CSMD1: variants seen among roughly 807,000 people sequenced by gnomAD.
CSMD1 encodes CUB and Sushi multiple domains 1.
Under a neutral mutation model 417.5 loss-of-function variants are expected in CSMD1, and 213 were observed. The observed-to-expected ratio is 0.51, with a 90% CI of 0.46 to 0.57. CSMD1 has a LOEUF of 0.57. CSMD1 is among the 20% of genes least tolerant of loss of function. The probability of loss-of-function intolerance (pLI) is 0.00; values close to 1 mark genes in which losing one functional copy is unlikely to be tolerated. For synonymous variants in CSMD1, 2,862 were observed against 1,736.8 expected (o/e 1.65, Z -16.11); for missense variants, 6,923 against 4,529.7 (o/e 1.53, Z -15.17).
At position 4,953,653 on chromosome 8, in the gene CSMD1, A is replaced by G. The variant is rs151310063; in HGVS notation, c.85+40679T>C. Among the ~76,000 whole-genome samples the G allele has an allele frequency of 2.2e-3, 330 of 152,332 alleles. 2 individuals carry two copies. The highest frequency in any genetic ancestry group is 7.3e-3 in the African/African-American group (304 of 41,584). On this transcript the variant is annotated intron_variant, in intron 1 of 69. Transcript: ENST00000635120. ...ATAGAAATACACAGAAGCAGTCAGA[A>G]TTAAATGTTATTCACATTAAGAAAA...
At position 3,526,216 on chromosome 8, in the gene CSMD1, G is replaced by A. The variant is rs540891171; in HGVS notation, c.1345-32490C>T. ...TTCTCATCAATCATAAGACTACATC[G>A]TTTTTCCTTCCTGAACCTTCTATAG... is the stretch of plus-strand genomic sequence containing the variant. On this transcript the variant is annotated intron_variant, in intron 10 of 69. Transcript: ENST00000635120. 6.4e-4 allele frequency among the ~76,000 whole-genome samples: 98 copies of A among 151,988 alleles called. 1 individual carries two copies. The highest frequency in any genetic ancestry group is 1.2e-3 in the Non-Finnish European group (83 of 67,986).
At chr8:3,606,561 T>C (rs986048585) in intron 8 of CSMD1, among the ~76,000 whole-genome samples, 9 of 152,182 alleles carry the variant, frequency 5.9e-5, no homozygotes, top group African/African-American at 2.2e-4. Context: ...AGTCAGTAAG[T>C]GGTGAGTGAA....
intron 1 of CSMD1, among the ~76,000 whole-genome samples, chr8:4,841,463 A>G (rs1800830789): frequency 6.6e-6 from 1 of 152,210 alleles, no homozygotes; most frequent in Non-Finnish European, 1.5e-5. Context: ...TGTTAAACGA[A>G]TAAACTAGCA....
At chr8:3,818,159 G>T (rs1801503310) in intron 5 of CSMD1, among the ~76,000 whole-genome samples, 1 of 151,916 alleles carries the variant, frequency 6.6e-6, no homozygotes, top group Non-Finnish European at 1.5e-5. Flanking sequence ...TGCCTCCTCT[G>T]ACACTCATAG....
At chr8:4,302,444 A>T (rs999507554) in intron 3 of CSMD1, among the ~76,000 whole-genome samples, 1 of 152,218 alleles carries the variant, frequency 6.6e-6, no homozygotes, top group Non-Finnish European at 1.5e-5. Flanking sequence ...AGGTGGTTTT[A>T]TCACACATAT....
At chr8:3,849,289 A>C (rs1425119276) in intron 5 of CSMD1, among the ~76,000 whole-genome samples, 1 of 152,120 alleles carries the variant, frequency 6.6e-6, no homozygotes, top group African/African-American at 2.4e-5. Context: ...GCACAGACAA[A>C]GATACAGGGC....
intron 49 of CSMD1, among the ~76,000 whole-genome samples, chr8:3,057,437 T>C (rs1453539225): frequency 6.6e-6 from 1 of 152,138 alleles, no homozygotes; most frequent in East Asian, 1.9e-4. Flanking sequence ...CAACTATATG[T>C]GTATTTGCAG....
At chr8:3,184,842 AC>A (rs1473252128) in intron 36 of CSMD1, among the ~76,000 whole-genome samples, 4 of 152,022 alleles carry the variant, frequency 2.6e-5, no homozygotes, top group African/African-American at 7.2e-5. Context: ...CCTTATCCGG[AC>A]CCTTAAATTT....
chr8:4,710,122 G>T (rs551500364), intron 1 of CSMD1, among the ~76,000 whole-genome samples: 1 of 151,916 alleles, frequency 6.6e-6, no homozygotes, highest in Non-Finnish European at 1.5e-5. Context: ...GATAACCTTC[G>T]CCTGGAGGTT....
intron 8 of CSMD1, among the ~76,000 whole-genome samples, chr8:3,605,300 C>G (rs1234108534): frequency 6.6e-6 from 1 of 152,186 alleles, no homozygotes; most frequent in Non-Finnish European, 1.5e-5. Context: ...GAAAGCAATT[C>G]TTACTGAAAA....
At chr8:3,181,332 G>A (rs1228689475) in intron 36 of CSMD1, 118 bp from the exon 37 acceptor site, 3 of 690,310 alleles carry the variant, frequency 4.3e-6, no homozygotes, top group East Asian at 5.6e-5. Context: ...CTGATTACCA[G>A]ATATTTAATC....
chr8:4,709,702 G>A (rs558376221), intron 1 of CSMD1, among the ~76,000 whole-genome samples: 1 of 152,248 alleles, frequency 6.6e-6, no homozygotes, highest in Non-Finnish European at 1.5e-5. Context: ...CCACAGCCTG[G>A]GGCACCTGTG....
At chr8:4,936,563 G>T (rs575933034) in intron 1 of CSMD1, among the ~76,000 whole-genome samples, 1 of 152,154 alleles carries the variant, frequency 6.6e-6, no homozygotes, top group Non-Finnish European at 1.5e-5. Flanking sequence ...AAATTCATAA[G>T]CATTTTAAGT....
At chr8:4,442,814 A>G (rs1281153434) in intron 2 of CSMD1, among the ~76,000 whole-genome samples, 2 of 152,188 alleles carry the variant, frequency 1.3e-5, no homozygotes, top group East Asian at 3.8e-4. Context: ...TGATTTCTAA[A>G]ACTGAAATAT....
intron 3 of CSMD1, among the ~76,000 whole-genome samples, chr8:4,106,956 G>T (rs758417912): frequency 2.0e-5 from 3 of 152,176 alleles, no homozygotes; most frequent in African/African-American, 4.8e-5. Flanking sequence ...GTTTCACAGG[G>T]AGAAGCTCTA....
intron 4 of CSMD1, among the ~76,000 whole-genome samples, chr8:4,013,132 C>G (rs1304713055): frequency 2.6e-5 from 4 of 152,258 alleles, no homozygotes; most frequent in Non-Finnish European, 4.4e-5. Context: ...TCGTATCCCC[C>G]CATTGTGCTC....
chr8:3,096,813 C>T (rs368434668), intron 47 of CSMD1, 36 bp downstream of exon 47: 173 of 1,304,834 alleles, frequency 1.3e-4, no homozygotes, highest in East Asian at 8.3e-4. Context: ...TCAATGATGC[C>T]GAGGTCACTG....
chr8:4,955,194 C>G (rs747403909), intron 1 of CSMD1, among the ~76,000 whole-genome samples: 1 of 152,116 alleles, frequency 6.6e-6, no homozygotes, highest in Non-Finnish European at 1.5e-5. Flanking sequence ...TTCCCGTTGG[C>G]TTCTACCCAT....
chr8:4,761,064 T>C (rs1812009479), intron 1 of CSMD1, among the ~76,000 whole-genome samples: 1 of 152,178 alleles, frequency 6.6e-6, no homozygotes, highest in African/African-American at 2.4e-5. Flanking sequence ...AGAGTGATTA[T>C]TAGCAGAAGT....
Sources: gnomAD v4.1 joint callset for allele counts (sites outside exome capture counted in the v4.1 genomes callset) on GRCh38, gnomAD v4.1.1 for gene constraint, MANE v1.5 for transcripts, NCBI Gene and HGNC (gene_info 2026-07-23, HGNC 2026-07-21) for gene names.